The following TENM2 variants were observed in gnomAD, a reference collection of about 807,000 sequenced individuals.
TENM2 encodes teneurin transmembrane protein 2.
TENM2 carries 52 observed loss-of-function variants against 245.2 expected under a neutral mutation model. The observed-to-expected ratio is 0.21, with a 90% CI of 0.17 to 0.27. The LOEUF is 0.27. Among genes scored for constraint, TENM2 ranks in the 10% least tolerant of loss-of-function variants. The pLI is 1.00. For synonymous variants in TENM2, 1,363 were observed against 1,438.9 expected (o/e 0.95, Z 1.19); for missense variants, 3,046 against 3,666.8 (o/e 0.83, Z 4.37).
At chr5:167,627,703 G>A (rs1474802909) in intron 2 of TENM2, among the ~76,000 whole-genome samples, 1 of 151,822 alleles carries the variant, frequency 6.6e-6, no homozygotes, top group African/African-American at 2.4e-5. Context: ...GACTATAGGT[G>A]CCCACCGCCA....
intron 2 of TENM2, among the ~76,000 whole-genome samples, chr5:167,870,583 A>T (rs1772733574): frequency 7.1e-6 from 1 of 141,226 alleles, no homozygotes; most frequent in African/African-American, 2.6e-5. Context: ...GTGTGTATAT[A>T]TATATGTATA....
chr5:167,794,295 T>G (rs1363168201), intron 2 of TENM2, among the ~76,000 whole-genome samples: 1 of 152,112 alleles, frequency 6.6e-6, no homozygotes, highest in African/African-American at 2.4e-5. Context: ...AAATTACACG[T>G]GTTTACTTCA....
chr5:167,448,029 G>C (rs574701918), intron 2 of TENM2, among the ~76,000 whole-genome samples: 1 of 152,272 alleles, frequency 6.6e-6, no homozygotes, highest in East Asian at 1.9e-4. Context: ...TGGAAATAGA[G>C]AAAAATGAAC....
intron 1 of TENM2, among the ~76,000 whole-genome samples, chr5:167,327,181 G>C (rs749460294): frequency 3.3e-5 from 5 of 151,092 alleles, no homozygotes; most frequent in Admixed American, 6.6e-5. Flanking sequence ...CCCGCTCCCC[G>C]CATCCCACAA....
chr5:168,206,503 C>T (rs1581632064), intron 19 of TENM2, among the ~76,000 whole-genome samples: 1 of 152,234 alleles, frequency 6.6e-6, no homozygotes, highest in East Asian at 1.9e-4. Flanking sequence ...CAAAGGCCAA[C>T]CATTATGGAG....
intron 2 of TENM2, among the ~76,000 whole-genome samples, chr5:167,412,386 C>A (rs1249295078): frequency 6.6e-6 from 1 of 152,018 alleles, no homozygotes; most frequent in Non-Finnish European, 1.5e-5. Context: ...GCAGGCCGGG[C>A]AAGGTGGCTC....
chr5:167,200,025 G>A, the TENM2 span, among the ~76,000 whole-genome samples: 3 of 151,998 alleles, frequency 2.0e-5, no homozygotes, highest in Non-Finnish European at 4.4e-5. Flanking sequence ...TCTTTGCCAG[G>A]CTGGTTTACA....
At chr5:167,480,259 G>T (rs1283666196) in intron 2 of TENM2, among the ~76,000 whole-genome samples, 1 of 152,080 alleles carries the variant, frequency 6.6e-6, no homozygotes, top group Non-Finnish European at 1.5e-5. Flanking sequence ...CTCACTGATT[G>T]TAAGACATTC....
intron 2 of TENM2, among the ~76,000 whole-genome samples, chr5:167,544,476 G>A (rs1772422034): frequency 6.6e-6 from 1 of 152,178 alleles, no homozygotes; most frequent in Admixed American, 6.5e-5. Flanking sequence ...TTTCAATTGT[G>A]TAAAGGGATG....
chr5:168,072,279 T>C (rs941633909), intron 7 of TENM2, among the ~76,000 whole-genome samples: 11 of 152,222 alleles, frequency 7.2e-5, no homozygotes, highest in African/African-American at 2.2e-4. Context: ...CACCTTGGAA[T>C]AGCCTTGAAA....
intron 2 of TENM2, among the ~76,000 whole-genome samples, chr5:167,737,936 G>A (rs1221150533): frequency 6.6e-6 from 1 of 152,212 alleles, no homozygotes; most frequent in Non-Finnish European, 1.5e-5. Context: ...AGGGCACTGA[G>A]CTGATCCCTA....
intron 2 of TENM2, among the ~76,000 whole-genome samples, chr5:167,436,388 AT>A (rs1470788008): frequency 6.6e-6 from 1 of 152,118 alleles, no homozygotes; most frequent in Non-Finnish European, 1.5e-5. Flanking sequence ...GCCAGAAGAA[AT>A]TTCTAAGCAG....
chr5:168,224,414 A>C (rs939421827), intron 23 of TENM2, among the ~76,000 whole-genome samples: 1 of 152,186 alleles, frequency 6.6e-6, no homozygotes, highest in Admixed American at 6.5e-5. Context: ...TCAGCTTTCA[A>C]ACTTCTGCAG....
intron 2 of TENM2, among the ~76,000 whole-genome samples, chr5:167,490,192 G>T (rs1005695666): frequency 1.3e-5 from 2 of 152,048 alleles, no homozygotes; most frequent in Non-Finnish European, 2.9e-5. Flanking sequence ...CCAGCACACT[G>T]AGCCACACTT....
chr5:166,979,197 G>C, the TENM2 span, among the ~76,000 whole-genome samples: 77 of 28,224 alleles, frequency 2.7e-3, no homozygotes, highest in South Asian at 5.7e-3. Context: ...ACCACCACCA[G>C]CAGCAGCAGC....
At chr5:168,257,040 ATACT>A (rs1436164012) in intron 27 of TENM2, among the ~76,000 whole-genome samples, 4 of 152,098 alleles carry the variant, frequency 2.6e-5, no homozygotes, top group Admixed American at 6.6e-5. Flanking sequence ...CATTCTATAG[ATACT>A]TACGGAGCAC....
intron 2 of TENM2, among the ~76,000 whole-genome samples, chr5:167,773,708 C>T (rs1004222159): frequency 3.9e-5 from 6 of 152,018 alleles, no homozygotes; most frequent in South Asian, 2.1e-4. Context: ...GACAAGATTT[C>T]GGCTCCAGAA....
At chr5:166,995,723 G>C in the TENM2 span, among the ~76,000 whole-genome samples, 2 of 148,872 alleles carry the variant, frequency 1.3e-5, no homozygotes, top group Non-Finnish European at 1.5e-5. Context: ...GGCTGAGGCA[G>C]GAGAATTGCT....
chr5:168,003,119 C>A (rs774824899), intron 5 of TENM2, among the ~76,000 whole-genome samples: 1 of 152,120 alleles, frequency 6.6e-6, no homozygotes, highest in Non-Finnish European at 1.5e-5. Context: ...TACTAAAAAG[C>A]TTTTTATTAC....
Sources: gnomAD v4.1 joint callset for allele counts (sites outside exome capture counted in the v4.1 genomes callset) on GRCh38, gnomAD v4.1.1 for gene constraint, MANE v1.5 for transcripts, NCBI Gene and HGNC (gene_info 2026-07-23, HGNC 2026-07-21) for gene names.